The following RHOBTB2 variants were observed in gnomAD, a reference collection of about 807,000 sequenced individuals.
RHOBTB2 encodes rho-related BTB domain-containing protein 2.
RHOBTB2 carries 39 observed loss-of-function variants against 66.5 expected under a neutral mutation model. The ratio of observed to expected loss-of-function variants is 0.59; its 90% confidence interval spans 0.45 to 0.77. The LOEUF (loss-of-function observed/expected upper bound fraction) is 0.77. Ranked by LOEUF, RHOBTB2 falls within the 30% of genes least tolerant of loss-of-function variation. The pLI is 0.00. For synonymous variants in RHOBTB2, 390 were observed against 395.0 expected (o/e 0.99, Z 0.15); for missense variants, 755 against 999.1 (o/e 0.76, Z 3.29).
Position 23,007,220 on chromosome 8 carries a change from A to ACACCACCACCAT in RHOBTB2, c.987_998dup (p.His331_His334dup). 6.2e-7 allele frequency: 1 copy of ACACCACCACCAT among 1,608,338 alleles called. No individual in the cohort carries two copies. The highest frequency in any genetic ancestry group is 2.2e-5 in the East Asian group (1 of 44,850). On this transcript the variant is annotated inframe_insertion, in exon 5 of 10. Coordinates refer to ENST00000251822, the MANE Select transcript of RHOBTB2 (RefSeq NM_015178.3). ...AGGACCACCAGGGCCACTCTGATCA[A>ACACCACCACCAT]CACCACCACCATCACCACCACCACC...
chr8:22,996,369 C>T (rs1223018785), upstream of RHOBTB2, among the ~76,000 whole-genome samples: 1 of 152,138 alleles, frequency 6.6e-6, no homozygotes, highest in Admixed American at 6.5e-5. Context: ...CATGGCAGGA[C>T]ATTGCCAGAC....
upstream of RHOBTB2, among the ~76,000 whole-genome samples, chr8:22,996,659 T>G (rs1810576179): frequency 6.6e-6 from 1 of 151,658 alleles, no homozygotes; most frequent in Admixed American, 6.6e-5. Flanking sequence ...CCTTGAGAAG[T>G]CACCTGAATA....
the RHOBTB2 span, among the ~76,000 whole-genome samples, chr8:22,967,622 A>AT: frequency 6.6e-6 from 1 of 151,596 alleles, no homozygotes; most frequent in Non-Finnish European, 1.5e-5. Context: ...AAAAAAAAAA[A>AT]AAAAAAGGGT....
At chr8:22,955,537 A>G in the RHOBTB2 span, among the ~76,000 whole-genome samples, 1 of 149,124 alleles carries the variant, frequency 6.7e-6, no homozygotes, top group East Asian at 2.0e-4. Flanking sequence ...CCAGGATCTC[A>G]TCCATCCATC....
chr8:23,013,437 T>A (rs1006944085), intron 7 of RHOBTB2, among the ~76,000 whole-genome samples: 1 of 151,990 alleles, frequency 6.6e-6, no homozygotes, highest in Non-Finnish European at 1.5e-5. Flanking sequence ...TCCTTTATAG[T>A]TTTATCATCC....
At position 23,007,381 on chromosome 8, in the gene RHOBTB2, T is replaced by C; in HGVS notation, c.1136T>C (p.Leu379Pro). The change falls in exon 5 of 10, where the codon CTA (leucine) becomes CCA (proline). Residue 379 changes from leucine to proline, a missense_variant. This residue lies in a region of RHOBTB2 where 247 missense variants were observed against 238.9 expected (regional missense o/e 1.03). Transcript: ENST00000251822. ...TTACGGGGCAACGGAACAGGGTACCTACCGGGCAGGGGTCGTGTGCTGTCT... is the reference window on the plus strand; with the variant it reads ...TTACGGGGCAACGGAACAGGGTACCCACCGGGCAGGGGTCGTGTGCTGTCT... Reference protein sequence around the residue: ...GILRGNGTGYLPGRGRVLSSW... With the variant: ...GILRGNGTGYPPGRGRVLSSW... 1 of 1,614,074 alleles carries C rather than the reference T, an allele frequency of 6.2e-7. No individual in the cohort carries two copies. Among genetic ancestry groups the C allele is most frequent in the Non-Finnish European group, 8.5e-7 (1 of 1,179,982 alleles).
chr8:22,954,857 T>G, the RHOBTB2 span, among the ~76,000 whole-genome samples: 1 of 152,144 alleles, frequency 6.6e-6, no homozygotes, highest in Non-Finnish European at 1.5e-5. Flanking sequence ...GATGGCTGGG[T>G]GCGGTGGCTC....
Position 23,008,127 on chromosome 8 carries a change from CAA to C in RHOBTB2, c.1620+18_1620+19del, listed in dbSNP as rs2128805224. ...CACCCGGGAGGTAAGGCTGAGGACA[CAA>C]AGGGGGGAAGGAGGGAGTGAGACAT... is the stretch of plus-strand genomic sequence containing the variant. On this transcript the variant is annotated intron_variant, in intron 6 of 9. Transcript: ENST00000251822. 1.3e-6 allele frequency: 2 copies of C among 1,550,840 alleles called. No individual in the cohort carries two copies. Among genetic ancestry groups the C allele is most frequent in the Middle Eastern group, 1.7e-4 (1 of 5,878 alleles).
Position 22,993,102 on chromosome 8 carries a change from C to T in RHOBTB2, c.-24+922C>T, listed in dbSNP as rs1810464045. Among the ~76,000 whole-genome samples the T allele has an allele frequency of 2.6e-5, 4 of 152,226 alleles. No individual in the cohort carries two copies. The South Asian group carries it at 6.2e-4, about 24-fold the overall frequency. On this transcript the variant is annotated intron_variant, in intron 2 of 11. Coordinates refer to the RHOBTB2 transcript ENST00000519685. ...TTCTGGGCTTCATTTTTCTGGGAGA[C>T]CCACAGGGCACTAGAGCCAAGGTGC...
At chr8:22,958,714 A>G in the RHOBTB2 span, among the ~76,000 whole-genome samples, 1 of 135,110 alleles carries the variant, frequency 7.4e-6, no homozygotes, top group South Asian at 2.6e-4. Context: ...GGTGGGGAGG[A>G]TTGCTTGATG....
At chr8:23,010,062 T>C (rs1029037388) in intron 6 of RHOBTB2, among the ~76,000 whole-genome samples, 1 of 151,956 alleles carries the variant, frequency 6.6e-6, no homozygotes, top group African/African-American at 2.4e-5. Context: ...GGGACTGAGG[T>C]GTAGATTGAG....
At chr8:22,951,183 AT>A in the RHOBTB2 span, among the ~76,000 whole-genome samples, 1,827 of 147,236 alleles carry the variant, frequency 0.012, 26 homozygotes, top group African/African-American at 0.033. Context: ...AGGTTTAAAA[AT>A]TTTTTTTTCC....
rs375571104 is a variant in RHOBTB2 at position 23,007,981 on chromosome 8, T to G, written c.1502-12T>G. On this transcript the variant is annotated splice_polypyrimidine_tract_variant and intron_variant, in intron 5 of 9. Transcript: ENST00000251822. ...CTTTCACCAGTCCTCCTGTGATGCT[T>G]CTTCTGGACAGATGTGACCTTCATC... The G allele has an allele frequency of 4.3e-6, 7 of 1,610,422 alleles. No homozygotes were observed. The highest frequency in any genetic ancestry group is 2.2e-5 in the East Asian group (1 of 44,858).
At chr8:23,014,641 G>A in intron 7 of RHOBTB2, 49 bp from the exon 8 acceptor site, 1 of 1,538,020 alleles carries the variant, frequency 6.5e-7, no homozygotes. Flanking sequence ...GGCAGGGTGA[G>A]CACAGGTCAT....
At chr8:22,960,161 C>T in the RHOBTB2 span, among the ~76,000 whole-genome samples, 5 of 148,854 alleles carry the variant, frequency 3.4e-5, no homozygotes, top group East Asian at 4.0e-4. Flanking sequence ...CTAGCCTGGG[C>T]GACAGAGTGA....
Position 23,004,474 on chromosome 8 carries a change from A to G in RHOBTB2, c.40A>G (p.Thr14Ala). 1 of 1,614,212 alleles carries G rather than the reference A, an allele frequency of 6.2e-7. No homozygotes were observed. Among genetic ancestry groups the G allele is most frequent in the Non-Finnish European group, 8.5e-7 (1 of 1,180,030 alleles). Residue 14 changes from threonine to alanine, a missense_variant, in exon 2 of 10, where the codon ACC (threonine) becomes GCC (alanine). Transcript: ENST00000251822. The surrounding 1 kb of genome is among the most constrained non-coding windows in gnomAD (Gnocchi z 6.4). ...GGATTATGAAAGGCCAAACGTAGAG[A>G]CCATCAAGTGCGTTGTGGTGGGGGA... ...DMDYERPNVE[T>A]IKCVVVGDNA...
intron 2 of RHOBTB2, among the ~76,000 whole-genome samples, chr8:22,992,618 G>A (rs979344275): frequency 4.6e-5 from 7 of 152,190 alleles, no homozygotes; most frequent in African/African-American, 1.7e-4. Flanking sequence ...CTTGATGGTG[G>A]CTTCCAGGCC....
At chr8:22,997,787 G>C (rs1175247076), upstream of RHOBTB2, among the ~76,000 whole-genome samples, 1 of 152,194 alleles carries the variant, frequency 6.6e-6, no homozygotes, top group East Asian at 1.9e-4. Context: ...GGAGGGAACA[G>C]GGTGTCCGTG....
chr8:23,015,591 T>A (rs1585197515), intron 8 of RHOBTB2, 47 bp from the exon 9 acceptor site: 1 of 1,380,710 alleles, frequency 7.2e-7, no homozygotes, highest in East Asian at 2.3e-5. Flanking sequence ...ATGCAGACCC[T>A]CTCCCCTGGG....
Sources: gnomAD v4.1 joint callset for allele counts (sites outside exome capture counted in the v4.1 genomes callset) on GRCh38, gnomAD v4.1.1 for gene constraint, gnomAD v4.1.1 regional missense constraint, Gnocchi (gnomAD v3.1) non-coding constraint, MANE v1.5 for transcripts, NCBI Gene and HGNC (gene_info 2026-07-23, HGNC 2026-07-21) for gene names.